Variants in IGF1R observed in about 807,000 individuals in gnomAD.
The protein encoded by IGF1R is insulin like growth factor 1 receptor, also known as insulin-like growth factor 1 receptor.
IGF1R carries 44 observed loss-of-function variants against 144.6 expected under a neutral mutation model. The ratio of observed to expected loss-of-function variants is 0.30; its 90% CI spans 0.24 to 0.39. IGF1R has a LOEUF of 0.39. Ranked by LOEUF, IGF1R falls within the 10% of genes least tolerant of loss-of-function variation. The pLI is 1.00. For missense variants in IGF1R, 1,355 were observed against 1,833.7 expected, an observed-to-expected ratio of 0.74 and a Z score of 4.77; for synonymous variants, 795 against 722.8, an observed-to-expected ratio of 1.10 and a Z score of -1.60.
chr15:98,735,643 T>C (rs372454111), intron 2 of IGF1R, among the ~76,000 whole-genome samples: 11 of 152,260 alleles, frequency 7.2e-5, no homozygotes, highest in South Asian at 6.2e-4. Flanking sequence ...ATGTGGATAT[T>C]CAAGAAAGAG....
At chr15:98,849,029 T>C (rs892544735) in intron 2 of IGF1R, among the ~76,000 whole-genome samples, 128 of 151,920 alleles carry the variant, frequency 8.4e-4, no homozygotes, top group Non-Finnish European at 2.9e-4. Context: ...TTAATATAAA[T>C]CCAAATACAA....
intron 2 of IGF1R, among the ~76,000 whole-genome samples, chr15:98,835,805 A>T (rs563345855): frequency 3.7e-4 from 57 of 152,292 alleles, no homozygotes; most frequent in Non-Finnish European, 6.9e-4. Flanking sequence ...CTTACTTAAA[A>T]TTTTGTTAGG....
At chr15:98,875,349 CTTTTT>C (rs34303390) in intron 2 of IGF1R, among the ~76,000 whole-genome samples, 1 of 130,210 alleles carries the variant, frequency 7.7e-6, no homozygotes, top group Non-Finnish European at 1.6e-5. Flanking sequence ...CTTTTCTTTT[CTTTTT>C]TTTTTTTTTT....
In IGF1R at chr15:98,650,945, G is replaced by T. The variant is rs1316756766; in HGVS notation, c.94+1270G>T. The T allele has an allele frequency of 3.0e-6, 3 of 985,048 alleles. No individual in the cohort carries two copies. In the African/African-American group the frequency reaches 5.2e-5, roughly 17 times the overall value. The allele number at this position is 985,048 out of a possible 1,614,324, so 61.0% of individuals were successfully genotyped here. ...GAACTCCCCCCGGTGTCTACGGCCG[G>T]AGGAGGTGGGGGTTTTATTCTTCTG... On this transcript the variant is annotated intron_variant, in intron 1 of 20. Coordinates refer to ENST00000650285, the MANE Select transcript of IGF1R (RefSeq NM_000875.5).
At chr15:98,825,008 T>G (rs1247342312) in intron 2 of IGF1R, among the ~76,000 whole-genome samples, 1 of 152,150 alleles carries the variant, frequency 6.6e-6, no homozygotes, top group Non-Finnish European at 1.5e-5. Context: ...GGCTAATTTT[T>G]GTATTTTTAG....
chr15:98,739,223 C>A (rs1401796786), intron 2 of IGF1R, among the ~76,000 whole-genome samples: 1 of 152,108 alleles, frequency 6.6e-6, no homozygotes, highest in African/African-American at 2.4e-5. Flanking sequence ...GGTGGCTGAT[C>A]CTGACCGTCC....
Position 98,648,784 on chromosome 15 carries a change from G to A in IGF1R, c.-798G>A, listed in dbSNP as rs1477032585. Among the ~76,000 whole-genome samples, 1 of 146,072 alleles carries A rather than the reference G, an allele frequency of 6.8e-6. No individual in the cohort carries two copies. The highest frequency in any genetic ancestry group is 1.5e-5 in the Non-Finnish European group (1 of 65,922). On this transcript the variant is annotated 5_prime_UTR_variant, in exon 1 of 21. Coordinates refer to ENST00000650285, the MANE Select transcript of IGF1R (RefSeq NM_000875.5). ...TCCACGCCCCTCCCGCGCGGGGGCA[G>A]CTCCACGGCGCGCCTCGCCTCGGCT...
chr15:98,662,154 T>G (rs997777356), intron 1 of IGF1R, among the ~76,000 whole-genome samples: 1 of 151,710 alleles, frequency 6.6e-6, no homozygotes, highest in African/African-American at 2.4e-5. Context: ...TAATTTTTTT[T>G]TTTTCTAGTA....
At chr15:98,660,392 T>C (rs537380824) in intron 1 of IGF1R, 7 of 152,308 alleles carry the variant, frequency 4.6e-5, no homozygotes, top group African/African-American at 1.7e-4. Context: ...ATACCTCCTA[T>C]TTGGGCATCT....
intron 2 of IGF1R, among the ~76,000 whole-genome samples, chr15:98,797,489 G>A (rs962343914): frequency 6.6e-6 from 1 of 152,224 alleles, no homozygotes; most frequent in Non-Finnish European, 1.5e-5. Flanking sequence ...TCGGAGCCAT[G>A]TCTAGGTTCT....
chr15:98,840,625 T>G (rs936474992), intron 2 of IGF1R, among the ~76,000 whole-genome samples: 7 of 152,126 alleles, frequency 4.6e-5, no homozygotes, highest in African/African-American at 1.7e-4. Context: ...TAATTATTTA[T>G]AGAGATGGGG....
At chr15:98,821,108 A>T (rs1037904110) in intron 2 of IGF1R, among the ~76,000 whole-genome samples, 1 of 152,182 alleles carries the variant, frequency 6.6e-6, no homozygotes, top group African/African-American at 2.4e-5. Flanking sequence ...GAAGATGGAT[A>T]AACGAAGATA....
chr15:98,812,425 C>G (rs2056611527), intron 2 of IGF1R, among the ~76,000 whole-genome samples: 1 of 151,358 alleles, frequency 6.6e-6, no homozygotes, highest in African/African-American at 2.4e-5. Context: ...GGTGCGATCT[C>G]AGTTCACTGC....
At chr15:98,848,968 AATC>A (rs1193154762) in intron 2 of IGF1R, among the ~76,000 whole-genome samples, 2 of 152,242 alleles carry the variant, frequency 1.3e-5, no homozygotes, top group African/African-American at 4.8e-5. Context: ...AGACAGGAAT[AATC>A]ATCATTAGCA....
chr15:98,661,984 A>G, intron 1 of IGF1R, among the ~76,000 whole-genome samples: 3 of 50,546 alleles, frequency 5.9e-5, no homozygotes, highest in African/African-American at 1.3e-4. Context: ...TTTTTTTTTG[A>G]GACAGTCTTG....
chr15:98,882,297 G>C (rs1226547782), intron 2 of IGF1R, among the ~76,000 whole-genome samples: 1 of 152,228 alleles, frequency 6.6e-6, no homozygotes, highest in African/African-American at 2.4e-5. Flanking sequence ...GCTGGGGAGG[G>C]TCCAGTACAG....
At chr15:98,651,098 G>A in intron 1 of IGF1R, 3 of 981,888 alleles carry the variant, frequency 3.1e-6, no homozygotes, top group Non-Finnish European at 3.6e-6. Context: ...AATGGTTGCC[G>A]AGGGTATGCA....
In IGF1R at chr15:98,939,303, A is replaced by G; in HGVS notation, c.3400A>G (p.Arg1134Gly). ...AYLNANKFVH[R>G]DLAARNCMVA... The stretch of plus-strand genomic sequence containing the variant: ...CCTCAACGCCAATAAGTTCGTCCAC[A>G]GAGACCTTGCTGCCCGGAATTGCAT... Residue 1134 changes from arginine to glycine, a missense_variant, in exon 18 of 21, where the codon AGA becomes GGA. By Grantham distance (125) the Arg-to-Gly change is moderately radical (BLOSUM62 -2). Around this residue, in one of 7 missense-constraint regions of IGF1R, gnomAD observed 77 missense variants for 163.2 expected, o/e 0.47. Transcript: ENST00000650285. 6.2e-7 allele frequency: 1 copy of G among 1,614,194 alleles called. No individual in the cohort carries two copies. Among genetic ancestry groups the G allele is most frequent in the Non-Finnish European group, 8.5e-7 (1 of 1,180,014 alleles).
chr15:98,857,140 T>G (rs2141574863), intron 2 of IGF1R, among the ~76,000 whole-genome samples: 1 of 152,318 alleles, frequency 6.6e-6, no homozygotes, highest in East Asian at 1.9e-4. Context: ...TGTGTGCAGT[T>G]GGAAAGCTGA....
Sources: allele counts gnomAD v4.1 joint callset (sites outside exome capture counted in the v4.1 genomes callset), GRCh38; gene constraint gnomAD v4.1.1; regional missense constraint gnomAD v4.1.1; transcripts MANE v1.5; gene names NCBI Gene and HGNC (gene_info 2026-07-23, HGNC 2026-07-21).